The following MYRIP variants were observed in gnomAD, a reference collection of about 807,000 sequenced individuals.
The protein encoded by MYRIP is myosin VIIA and Rab interacting protein, also known as rab effector MyRIP.
Under a neutral mutation model 98.0 loss-of-function variants are expected in MYRIP, and 49 were observed. That is an observed-to-expected ratio of 0.50 (90% confidence interval 0.40 to 0.63). MYRIP has a LOEUF of 0.63. Among genes scored for constraint, MYRIP ranks in the 30% least tolerant of loss-of-function variants. The pLI is 0.00. For missense variants in MYRIP, 1,004 were observed against 1,058.2 expected, an observed-to-expected ratio of 0.95 and a Z score of 0.71; for synonymous variants, 404 against 409.5, an observed-to-expected ratio of 0.99 and a Z score of 0.16.
intron 2 of MYRIP, among the ~76,000 whole-genome samples, chr3:40,005,759 A>G (rs908651811): frequency 2.0e-5 from 3 of 152,214 alleles, no homozygotes; most frequent in South Asian, 2.1e-4. Context: ...TTGCAACACC[A>G]TATATATAAT....
intron 1 of MYRIP, among the ~76,000 whole-genome samples, chr3:39,878,787 T>A (rs543683100): frequency 6.6e-6 from 1 of 151,982 alleles, no homozygotes; most frequent in South Asian, 2.1e-4. Context: ...CTGGACACAG[T>A]GGCTCACACC....
intron 3 of MYRIP, among the ~76,000 whole-genome samples, chr3:40,129,140 GA>G (rs200546163): frequency 1.0e-4 from 15 of 147,620 alleles, no homozygotes; most frequent in Admixed American, 3.4e-4. Flanking sequence ...AAATTTAAAA[GA>G]AAAAAAAAAT....
chr3:40,059,072 G>C (rs1321769803), intron 3 of MYRIP, among the ~76,000 whole-genome samples: 1 of 152,004 alleles, frequency 6.6e-6, no homozygotes, highest in Non-Finnish European at 1.5e-5. Flanking sequence ...TGAGAATAAT[G>C]ATTTCCAGTT....
chr3:40,159,956 C>T (rs1412013740), intron 4 of MYRIP, among the ~76,000 whole-genome samples: 4 of 152,144 alleles, frequency 2.6e-5, no homozygotes, highest in South Asian at 2.1e-4. Flanking sequence ...TCCTGTAGTT[C>T]GGAGTAATTT....
chr3:40,121,996 CACA>C (rs1432258464), intron 3 of MYRIP, among the ~76,000 whole-genome samples: 3 of 152,088 alleles, frequency 2.0e-5, no homozygotes, highest in Admixed American at 1.3e-4. Flanking sequence ...ATATTAAACT[CACA>C]ACATTATTTT....
intron 2 of MYRIP, among the ~76,000 whole-genome samples, chr3:40,040,989 A>G (rs1179785676): frequency 5.1e-5 from 3 of 58,372 alleles, no homozygotes; most frequent in African/African-American, 1.8e-4. Flanking sequence ...AATAAAAAAA[A>G]AAAAGAAAAA....
At chr3:40,163,610 A>G (rs987805650) in intron 5 of MYRIP, among the ~76,000 whole-genome samples, 1 of 152,168 alleles carries the variant, frequency 6.6e-6, no homozygotes, top group African/African-American at 2.4e-5. Flanking sequence ...TGGGACATCC[A>G]TCTTCACCTG....
rs563169976 is a variant in MYRIP at position 40,152,783 on chromosome 3, A to T, written c.469+1599A>T. 3.2e-4 allele frequency among the ~76,000 whole-genome samples: 49 copies of T among 152,242 alleles called. 1 individual carries two copies. Among genetic ancestry groups the T allele is most frequent in the African/African-American group, 1.2e-3 (49 of 41,546 alleles). On this transcript the variant is annotated intron_variant, in intron 4 of 16. Transcript: ENST00000302541. ...CTCAAAGCGTGGCTCAAGGCCTGGC[A>T]CATCTTATATCCTCATTATTGTACT...
chr3:39,850,264 G>A (rs1942091106), intron 1 of MYRIP, among the ~76,000 whole-genome samples: 1 of 152,206 alleles, frequency 6.6e-6, no homozygotes, highest in Non-Finnish European at 1.5e-5. Context: ...TCCCCTGTGG[G>A]TCAGCCCACA....
chr3:40,200,753 A>AG (rs1186058284), intron 10 of MYRIP, among the ~76,000 whole-genome samples: 1 of 152,158 alleles, frequency 6.6e-6, no homozygotes, highest in Non-Finnish European at 1.5e-5. Context: ...ATGCAGAGAA[A>AG]GGGGTCTAGA....
At chr3:39,907,730 C>G (rs1421363990) in intron 2 of MYRIP, among the ~76,000 whole-genome samples, 2 of 152,078 alleles carry the variant, frequency 1.3e-5, no homozygotes, top group African/African-American at 4.8e-5. Context: ...ATTTATTATG[C>G]CCCAACCTTT....
At chr3:40,032,200 G>A (rs1394056618) in intron 2 of MYRIP, among the ~76,000 whole-genome samples, 12 of 152,026 alleles carry the variant, frequency 7.9e-5, no homozygotes, top group African/African-American at 2.4e-4. Flanking sequence ...CTTTGTTCTC[G>A]TTGGTTTCAA....
At position 39,854,297 on chromosome 3, in the gene MYRIP, T is replaced by A. The variant is rs1002449743; in HGVS notation, c.-31+44381T>A. Among the ~76,000 whole-genome samples, 11 of 152,174 alleles carry A rather than the reference T, an allele frequency of 7.2e-5. No individual in the cohort carries two copies. The South Asian group carries it at 2.3e-3, about 32-fold the overall frequency. ...GAATACCAATTATTCTTAGGTTTGG[T>A]CTTTTAGCATAATCTCAACTTTTTT... On this transcript the variant is annotated intron_variant, in intron 1 of 16. Coordinates refer to ENST00000302541, the MANE Select transcript of MYRIP (RefSeq NM_015460.4).
intron 4 of MYRIP, 60 bp downstream of exon 4, chr3:40,151,244 C>A (rs2125574549): frequency 1.3e-6 from 2 of 1,520,142 alleles, no homozygotes; most frequent in Non-Finnish European, 8.9e-7. Flanking sequence ...GAAGGCCTGG[C>A]TCAGGGGCCC....
chr3:39,842,881 T>G lies in MYRIP; in HGVS notation c.-31+32965T>G, dbSNP rs543493489. 2.3e-4 allele frequency among the ~76,000 whole-genome samples: 35 copies of G among 152,372 alleles called. No individual in the cohort carries two copies. In the South Asian group the frequency reaches 6.8e-3, roughly 30 times the overall value. On this transcript the variant is annotated intron_variant, in intron 1 of 16. Coordinates refer to ENST00000302541, the MANE Select transcript of MYRIP (RefSeq NM_015460.4). ...TTTCTGCATTGGTCTCTCTGGGAGC[T>G]GCAGACTGGAGCTGCTCCTATTTCG...
At chr3:40,174,204 C>T (rs1950694754) in intron 8 of MYRIP, 2 of 152,204 alleles carry the variant, frequency 1.3e-5, no homozygotes, top group African/African-American at 2.4e-5. Context: ...AGATCATATG[C>T]CTGGCAGGGG....
In MYRIP at chr3:39,872,274, T is replaced by A. The variant is rs1336508410; in HGVS notation, c.-30-28513T>A. Among the ~76,000 whole-genome samples the A allele has an allele frequency of 2.0e-5, 3 of 152,050 alleles. No homozygotes were observed. The East Asian group carries it at 5.8e-4, about 29-fold the overall frequency. ...TCGGTCTGATTTTTCTTTCTTTCTTTTTTTTAAAGATCATTGTCTCTTACT... is the reference window on the plus strand; with the variant it reads ...TCGGTCTGATTTTTCTTTCTTTCTTATTTTTAAAGATCATTGTCTCTTACT... On this transcript the variant is annotated intron_variant, in intron 1 of 16. Coordinates refer to ENST00000302541, the MANE Select transcript of MYRIP (RefSeq NM_015460.4).
intron 3 of MYRIP, among the ~76,000 whole-genome samples, chr3:40,072,796 A>T (rs1213821626): frequency 1.3e-5 from 2 of 150,960 alleles, no homozygotes; most frequent in African/African-American, 4.9e-5. Flanking sequence ...GTGGTCCAGT[A>T]TACTGCTAGT....
In MYRIP at chr3:40,170,066, A is replaced by G; in HGVS notation, c.846A>G (p.Gly282=). 1 of 1,614,198 alleles carries G rather than the reference A, an allele frequency of 6.2e-7. No individual in the cohort carries two copies. Among genetic ancestry groups the G allele is most frequent in the East Asian group, 2.2e-5 (1 of 44,866 alleles). ...VADEGTSASP[G]GYRAPAALWR... ...ATGAGGGGACCTCAGCATCCCCTGG[A>G]GGCTACCGTGCTCCCGCTGCCCTCT... Residue 282 remains glycine (G), a synonymous_variant, in exon 8 of 17, where the codon GGA becomes GGG. Coordinates refer to ENST00000302541, the MANE Select transcript of MYRIP (RefSeq NM_015460.4).
Sources: gnomAD v4.1 joint callset for allele counts (sites outside exome capture counted in the v4.1 genomes callset) on GRCh38, gnomAD v4.1.1 for gene constraint, MANE v1.5 for transcripts, NCBI Gene and HGNC (gene_info 2026-07-23, HGNC 2026-07-21) for gene names.